C2: variants seen among roughly 807,000 people sequenced by gnomAD.
C2 encodes C3/C5 convertase.
In C2, 64 loss-of-function variants were observed where a neutral mutation model predicts 85.2. The ratio of observed to expected loss-of-function variants is 0.75; its 90% CI spans 0.61 to 0.92. The LOEUF is 0.92. Ranked by LOEUF, C2 falls within the 40% of genes least tolerant of loss-of-function variation. The pLI, the probability that C2 is intolerant of heterozygous loss-of-function variation, is 0.00. For synonymous variants in C2, 311 were observed against 370.8 expected, an observed-to-expected ratio of 0.84 and a Z score of 1.85; for missense variants, 820 against 971.6, an observed-to-expected ratio of 0.84 and a Z score of 2.07.
intron 1 of C2, among the ~76,000 whole-genome samples, chr6:31,913,583 T>G (rs1384848280): frequency 6.6e-6 from 1 of 151,978 alleles, no homozygotes; most frequent in Non-Finnish European, 1.5e-5. Context: ...CGAAACTCCA[T>G]CTCAAAAAAA....
At chr6:31,900,704 T>C, upstream of C2, 1 of 1,605,448 alleles carries the variant, frequency 6.2e-7, no homozygotes, top group Non-Finnish European at 8.5e-7. This position sits in a 1 kb window ranked among gnomAD's most constrained non-coding sequence, Gnocchi z 9.7. Context: ...GTCCTCATCC[T>C]CATCCTCATC....
At chr6:31,940,331 CT>C (rs1770783909) in intron 9 of C2, among the ~76,000 whole-genome samples, 1 of 152,204 alleles carries the variant, frequency 6.6e-6, no homozygotes, top group Non-Finnish European at 1.5e-5. Context: ...ATCATAGCAT[CT>C]CATGTTTCAG....
upstream of C2, chr6:31,899,733 CCA>C: frequency 1.6e-6 from 1 of 617,014 alleles, no homozygotes; most frequent in South Asian, 2.5e-5. Context: ...TTTCCCAGCT[CCA>C]GATTCTTGCA....
In C2 at chr6:31,904,274, G is replaced by A. The variant is rs1441273554; in HGVS notation, c.73+3135G>A. The stretch of plus-strand genomic sequence containing the variant: ...TTCTCCTTTTCCTAATCTGGGAAAC[G>A]GACTATGAAATTTTCAAAAGAATTT... On this transcript the variant is annotated intron_variant, in intron 1 of 3. Coordinates refer to the C2 transcript ENST00000452202. The surrounding 1 kb of genome is among the most constrained non-coding windows in gnomAD (Gnocchi z 4.4). Among the ~76,000 whole-genome samples the A allele has an allele frequency of 6.6e-6, 1 of 151,832 alleles. No homozygotes were observed. Among genetic ancestry groups the A allele is most frequent in the Non-Finnish European group, 1.5e-5 (1 of 67,986 alleles).
In C2 at chr6:31,934,305, G is replaced by A; in HGVS notation, c.849+6G>A. On this transcript the variant is annotated splice_donor_region_variant and intron_variant, in intron 6 of 17. Coordinates refer to ENST00000299367, the MANE Select transcript of C2 (RefSeq NM_000063.6). ...CCTCCCTCATGGTGGACAGGGTCAGGAATCAGGAGTCTGCCTGCAGCAGAG... is the reference window on the plus strand; with the variant it reads ...CCTCCCTCATGGTGGACAGGGTCAGAAATCAGGAGTCTGCCTGCAGCAGAG... 2 of 1,594,156 alleles carry A rather than the reference G, an allele frequency of 1.3e-6. No homozygotes were observed. Among genetic ancestry groups the A allele is most frequent in the Non-Finnish European group, 1.7e-6 (2 of 1,162,758 alleles).
At chr6:31,942,805 G>A (rs1308914503) in intron 9 of C2, 154 bp from the exon 10 acceptor site, 3 of 838,860 alleles carry the variant, frequency 3.6e-6, no homozygotes, top group Admixed American at 2.1e-5. Flanking sequence ...GGGAGTGGCA[G>A]GAAATGAAGG....
At chr6:31,916,943 G>A (rs1326588340), upstream of C2, among the ~76,000 whole-genome samples, 5 of 150,124 alleles carry the variant, frequency 3.3e-5, no homozygotes, top group South Asian at 4.2e-4. Context: ...AGGCCGAGGC[G>A]GGTGGATTAC....
Position 31,944,143 on chromosome 6 carries a change from C to G in C2, c.1819C>G (p.Leu607Val), listed in dbSNP as rs779777584. Residue 607 changes from leucine to valine, a missense_variant, in exon 15 of 18, where the codon CTG (leucine) becomes GTG (valine). By Grantham distance (32) the Leu-to-Val change is conservative. Coordinates refer to ENST00000299367, the MANE Select transcript of C2 (RefSeq NM_000063.6). The surrounding 1 kb of genome is among the most constrained non-coding windows in gnomAD (Gnocchi z 5.1). ...CCTTCTCTTGACTATAGAGAATGAA[C>G]TGCTGAACAAACAGAGTGTTCCTGC... Reference protein sequence around the residue: ...GSTCRDHENELLNKQSVPAHF... With the variant: ...GSTCRDHENEVLNKQSVPAHF... 22 of 1,612,032 alleles carry G rather than the reference C, an allele frequency of 1.4e-5. No individual in the cohort carries two copies. Among genetic ancestry groups the G allele is most frequent in the Non-Finnish European group, 1.7e-5 (20 of 1,179,178 alleles).
chr6:31,944,895 C>T lies in C2; in HGVS notation c.2029+42C>T. ...GCCTGGATTCCCAAGGGGAAGGCCA[C>T]CTGTGTCTCTGTGGCCAGCATGCAT... is the stretch of plus-strand genomic sequence containing the variant. On this transcript the variant is annotated intron_variant, in intron 16 of 17. Transcript: ENST00000299367. This position sits in a 1 kb window ranked among gnomAD's most constrained non-coding sequence, Gnocchi z 5.1. 1 of 1,613,070 alleles carries T rather than the reference C, an allele frequency of 6.2e-7. No homozygotes were observed. The highest frequency in any genetic ancestry group is 1.7e-5 in the Admixed American group (1 of 60,028).
In C2 at chr6:31,927,938, T is replaced by G. The variant is rs1057441905; in HGVS notation, c.47-17T>G. On this transcript the variant is annotated splice_polypyrimidine_tract_variant and intron_variant, in intron 1 of 17. Coordinates refer to ENST00000299367, the MANE Select transcript of C2 (RefSeq NM_000063.6). This position sits in a 1 kb window ranked among gnomAD's most constrained non-coding sequence, Gnocchi z 4.7. Reference sequence around the variant, plus strand: ...CCTTCTTTCTCCATTGCTGTCTCCTTGTTCCCACGGCTCTAGGTCTGGCAG... The same window carrying G: ...CCTTCTTTCTCCATTGCTGTCTCCTGGTTCCCACGGCTCTAGGTCTGGCAG... 3 of 1,610,302 alleles carry G rather than the reference T, an allele frequency of 1.9e-6. No individual in the cohort carries two copies. The highest frequency in any genetic ancestry group is 2.6e-6 in the Non-Finnish European group (3 of 1,176,422).
At position 31,943,236 on chromosome 6, in the gene C2, C is replaced by T; in HGVS notation, c.1372C>T (p.Leu458Phe). Residue 458 changes from leucine (L) to phenylalanine (F), a missense_variant, in exon 11 of 18, where the codon CTC becomes TTC. Coordinates refer to ENST00000299367, the MANE Select transcript of C2 (RefSeq NM_000063.6). The surrounding 1 kb of genome is among the most constrained non-coding windows in gnomAD (Gnocchi z 6.4). ...VFEHMLDVSKLTDTICGVGNM... is the reference protein window; with the variant it reads ...VFEHMLDVSKFTDTICGVGNM... ...CCTCACACCCACAGATGTCTCCAAG[C>T]TCACAGACACCATCTGCGGGGTGGG... 2 of 1,613,084 alleles carry T rather than the reference C, an allele frequency of 1.2e-6. No homozygotes were observed. Among genetic ancestry groups the T allele is most frequent in the Non-Finnish European group, 1.7e-6 (2 of 1,180,016 alleles).
In C2 at chr6:31,935,096, T is replaced by C; in HGVS notation, c.849+797T>C. On this transcript the variant is annotated intron_variant, in intron 6 of 17. Transcript: ENST00000299367. The surrounding 1 kb of genome is among the most constrained non-coding windows in gnomAD (Gnocchi z 4.3). ...CTGGTTTAAGTTCCTCGCCAGAACT[T>C]TGTTTTGTAATTGTGCTTTTCACAA... 2.0e-6 allele frequency: 2 copies of C among 978,620 alleles called. No homozygotes were observed. Among genetic ancestry groups the C allele is most frequent in the Non-Finnish European group, 2.4e-6 (2 of 823,730 alleles). The allele number at this position is 978,620 out of a possible 1,614,324, so 60.6% of individuals were successfully genotyped here.
chr6:31,935,989 A>C lies in C2; in HGVS notation c.916A>C (p.Met306Leu). 1 of 1,612,928 alleles carries C rather than the reference A, an allele frequency of 6.2e-7. No individual in the cohort carries two copies. The highest frequency in any genetic ancestry group is 2.2e-5 in the East Asian group (1 of 44,880). The change falls in exon 7 of 18, where the codon ATG becomes CTG. Residue 306 changes from methionine (M) to leucine (L), a missense_variant. Met to Leu is a conservative substitution (Grantham distance 15). Transcript: ENST00000299367. This position sits in a 1 kb window ranked among gnomAD's most constrained non-coding sequence, Gnocchi z 4.3. ...CTTTGCCTCAGAGCCCAAAGTCCTC[A>C]TGTCTGTCCTGAACGACAACTCCCG... ...ITFASEPKVLMSVLNDNSRDM... is the reference protein window; with the variant it reads ...ITFASEPKVLLSVLNDNSRDM...
Position 31,922,710 on chromosome 6 carries a change from C to A in C2, c.-100+2684C>A, listed in dbSNP as rs758192644. Among the ~76,000 whole-genome samples, 2 of 152,128 alleles carry A rather than the reference C, an allele frequency of 1.3e-5. No individual in the cohort carries two copies. Among genetic ancestry groups the A allele is most frequent in the Non-Finnish European group, 2.9e-5 (2 of 68,020 alleles). On this transcript the variant is annotated intron_variant, in intron 1 of 3. Coordinates refer to the C2 transcript ENST00000413154. The surrounding 1 kb of genome is among the most constrained non-coding windows in gnomAD (Gnocchi z 4.8). ...TACAAAAATTAGCTGGGCATGGTAG[C>A]ACATGCCTGTAATCCCAGCTACTTG...
chr6:31,942,821 A>G (rs575321689), intron 9 of C2, 138 bp from the exon 10 acceptor site: 2 of 970,666 alleles, frequency 2.1e-6, no homozygotes, highest in South Asian at 2.9e-5. Flanking sequence ...GAAGGCAGAC[A>G]GGTAGCAGTG....
At chr6:31,899,060 A>C (rs887235470), upstream of C2, among the ~76,000 whole-genome samples, 2 of 151,698 alleles carry the variant, frequency 1.3e-5, no homozygotes, top group Non-Finnish European at 2.9e-5. Flanking sequence ...CAGTTGCCAG[A>C]GTGTAAAGGA....
In C2 at chr6:31,933,914, A is replaced by C; in HGVS notation, c.664A>C (p.Thr222Pro). 6.2e-7 allele frequency: 1 copy of C among 1,614,190 alleles called. No individual in the cohort carries two copies. Among genetic ancestry groups the C allele is most frequent in the Non-Finnish European group, 8.5e-7 (1 of 1,180,026 alleles). The change falls in exon 5 of 18, where the codon ACT (threonine) becomes CCT (proline). Residue 222 changes from threonine to proline, a missense_variant. By Grantham distance (38) the Thr-to-Pro change is conservative. Transcript: ENST00000299367. ...FPEDVAPALGTSFSHMLGATN... is the reference protein window; with the variant it reads ...FPEDVAPALGPSFSHMLGATN... ...TGAGGACGTGGCCCCTGCCCTGGGCACTTCCTTCTCCCACATGCTTGGGGC... is the reference window on the plus strand; with the variant it reads ...TGAGGACGTGGCCCCTGCCCTGGGCCCTTCCTTCTCCCACATGCTTGGGGC...
intron 1 of C2, among the ~76,000 whole-genome samples, chr6:31,903,782 CGTAGACA>C (rs1469326251): frequency 6.6e-6 from 1 of 152,064 alleles, no homozygotes; most frequent in African/African-American, 2.4e-5. Flanking sequence ...GTGGAGGCAG[CGTAGACA>C]GTGTTTAGGT....
upstream of C2, chr6:31,899,898 C>T (rs2151686788): frequency 6.5e-7 from 1 of 1,540,786 alleles, no homozygotes. Flanking sequence ...CCAGGGGCCC[C>T]AGCCTCCTGG....
Sources: gnomAD v4.1 joint callset for allele counts (sites outside exome capture counted in the v4.1 genomes callset) on GRCh38, gnomAD v4.1.1 for gene constraint, Gnocchi (gnomAD v3.1) non-coding constraint, MANE v1.5 for transcripts, NCBI Gene and HGNC (gene_info 2026-07-23, HGNC 2026-07-21) for gene names.